INSR: variants seen among roughly 807,000 people sequenced by gnomAD.
INSR encodes the protein insulin receptor, also known as IR.
Under a neutral mutation model 142.6 loss-of-function variants are expected in INSR, and 67 were observed. That is an observed-to-expected ratio of 0.47 (90% confidence interval 0.39 to 0.58). The LOEUF (loss-of-function observed/expected upper bound fraction) is 0.58. Among genes scored for constraint, INSR ranks in the 20% least tolerant of loss-of-function variants. The pLI is 0.00. For missense variants in INSR, 1,248 were observed against 1,833.2 expected (o/e 0.68, Z 5.83); for synonymous variants, 756 against 743.1 (o/e 1.02, Z -0.28).
At chr19:7,131,975 G>C (rs1329744377) in intron 14 of INSR, among the ~76,000 whole-genome samples, 183 bp downstream of exon 14, 1 of 146,266 alleles carries the variant, frequency 6.8e-6, no homozygotes, top group Non-Finnish European at 1.5e-5. Context: ...TCCAAAGCAA[G>C]CCTCCATCTC....
intron 17 of INSR, 56 bp from the exon 18 acceptor site, chr19:7,123,045 G>T: frequency 7.7e-7 from 1 of 1,301,300 alleles, no homozygotes; most frequent in Non-Finnish European, 1.1e-6. Flanking sequence ...GACTCACCAG[G>T]GTTCTCCTCC....
chr19:7,207,901 A>AAAGGAAGGAAGGAAGG (rs35679001), intron 2 of INSR, among the ~76,000 whole-genome samples: 5,572 of 72,686 alleles, frequency 0.077, 392 homozygotes, highest in Admixed American at 0.11. Flanking sequence ...GGAAGGAAGG[A>AAAGGAAGGAAGGAAGG]AAGGAAGGAA....
At chr19:7,126,434 G>A (rs1972647166) in intron 16 of INSR, 150 bp downstream of exon 16, 5 of 732,996 alleles carry the variant, frequency 6.8e-6, no homozygotes, top group Non-Finnish European at 9.7e-6. Flanking sequence ...TGAGGTTTCT[G>A]CAGCAAGGGC....
chr19:7,237,597 T>C (rs6510969), intron 2 of INSR, among the ~76,000 whole-genome samples: 77,870 of 151,422 alleles, frequency 0.51, 21,274 homozygotes, highest in African/African-American at 0.7. Flanking sequence ...GGGTGGATCA[T>C]GAGGTCAGGA....
At chr19:7,232,671 G>C (rs558181580) in intron 2 of INSR, among the ~76,000 whole-genome samples, 2 of 151,910 alleles carry the variant, frequency 1.3e-5, no homozygotes, top group African/African-American at 4.8e-5. Flanking sequence ...TCAGCCAGGC[G>C]TGGTGGCAGG....
At chr19:7,248,619 C>T (rs184882005) in intron 2 of INSR, among the ~76,000 whole-genome samples, 1 of 148,878 alleles carries the variant, frequency 6.7e-6, no homozygotes, top group Non-Finnish European at 1.5e-5. Context: ...ATGAGTAAAC[C>T]TGGGAAAGCC....
chr19:7,118,649 T>C (rs1972397767), intron 21 of INSR, among the ~76,000 whole-genome samples: 1 of 150,434 alleles, frequency 6.6e-6, no homozygotes, highest in African/African-American at 2.5e-5. Flanking sequence ...TATAAAGAAT[T>C]AACAGGCGGC....
chr19:7,219,473 A>AGGG (rs1975532684), intron 2 of INSR, among the ~76,000 whole-genome samples: 5 of 71,214 alleles, frequency 7.0e-5, no homozygotes, highest in Non-Finnish European at 6.3e-5. Context: ...AGAGAGAGAA[A>AGGG]AGGGAGGGAG....
At chr19:7,131,433 C>T (rs925663812) in intron 14 of INSR, among the ~76,000 whole-genome samples, 4 of 151,752 alleles carry the variant, frequency 2.6e-5, no homozygotes, top group Non-Finnish European at 5.9e-5. Context: ...GCAAGCTCTG[C>T]TTCCCGGGTT....
At position 7,168,096 on chromosome 19, in the gene INSR, T is replaced by C. The variant is rs749592525; in HGVS notation, c.1484-2A>G. 6.2e-7 allele frequency: 1 copy of C among 1,613,752 alleles called. No homozygotes were observed. The highest frequency in any genetic ancestry group is 1.1e-5 in the South Asian group (1 of 91,062). ...AAAATTTAAGTAACTCATTTTCACCTGGAAAAGTTAAAACAAAAGGCAAAA... is the reference window on the plus strand; with the variant it reads ...AAAATTTAAGTAACTCATTTTCACCCGGAAAAGTTAAAACAAAAGGCAAAA... On this transcript the variant is annotated splice_acceptor_variant, in intron 6 of 21. Transcript: ENST00000302850. LOFTEE classifies it high-confidence loss of function. The surrounding 1 kb of genome is among the most constrained non-coding windows in gnomAD (Gnocchi z 4.3).
rs550741110 is a variant in INSR, at chr19:7,249,763, A to C, written c.652+17582T>G. On this transcript the variant is annotated intron_variant, in intron 2 of 21. Coordinates refer to ENST00000302850, the MANE Select transcript of INSR (RefSeq NM_000208.4). ...ATCCCAGCACTTTGGGAGGCCAAGG[A>C]GGGTGGATCACGAGGTCAGGAGATC... Among the ~76,000 whole-genome samples, 239 of 152,168 alleles carry C rather than the reference A, an allele frequency of 1.6e-3. 1 individual carries two copies. Among genetic ancestry groups the C allele is most frequent in the African/African-American group, 5.1e-3 (212 of 41,538 alleles).
intron 2 of INSR, among the ~76,000 whole-genome samples, chr19:7,197,551 TTCCAGAGTGGGAGTGTGTGTGTTTGG>T (rs1974795494): frequency 2.9e-5 from 2 of 67,822 alleles, no homozygotes; most frequent in African/African-American, 5.9e-5. Flanking sequence ...GTGTGTCAGG[TTCCAGAGTGGGAGTGTGTGTGTTTGG>T]GTGTGTGTGT....
chr19:7,154,987 C>G (rs1973552759), intron 9 of INSR, among the ~76,000 whole-genome samples: 1 of 152,134 alleles, frequency 6.6e-6, no homozygotes, highest in Non-Finnish European at 1.5e-5. Context: ...GGTAACCAGA[C>G]AATGCTTCTG....
chr19:7,258,437 C>G (rs982079333), intron 2 of INSR, among the ~76,000 whole-genome samples: 2 of 126,374 alleles, frequency 1.6e-5, no homozygotes, highest in Admixed American at 7.6e-5. Flanking sequence ...ATAAAAAATT[C>G]TTAGCTCATA....
chr19:7,195,626 A>G (rs1974723437), intron 2 of INSR, among the ~76,000 whole-genome samples: 2 of 151,984 alleles, frequency 1.3e-5, no homozygotes, highest in Admixed American at 1.3e-4. Context: ...TGGGTGACAG[A>G]GTAAGACTCC....
rs3786683 is a variant in INSR at position 7,168,795 on chromosome 19, A to G, written c.1484-701T>C. On this transcript the variant is annotated intron_variant, in intron 6 of 21. Coordinates refer to ENST00000302850, the MANE Select transcript of INSR (RefSeq NM_000208.4). This position sits in a 1 kb window ranked among gnomAD's most constrained non-coding sequence, Gnocchi z 4.3. ...TATTTTTTTTTTTTAGTAGAGATGG[A>G]GTTTCACCACATTGGCCAGGCTGGT... Among the ~76,000 whole-genome samples the G allele has an allele frequency of 0.24, 36,541 of 151,040 alleles. 4,484 individuals are homozygous for G. Among genetic ancestry groups the G allele is most frequent in the Middle Eastern group, 0.3 (88 of 294 alleles).
chr19:7,169,904 A>T (rs1291648300), intron 6 of INSR, among the ~76,000 whole-genome samples: 1 of 152,186 alleles, frequency 6.6e-6, no homozygotes, highest in African/African-American at 2.4e-5. Flanking sequence ...AAAGCCTATC[A>T]CACAGTGAGT....
intron 17 of INSR, among the ~76,000 whole-genome samples, chr19:7,124,828 G>A (rs1718618182): frequency 6.6e-6 from 1 of 150,522 alleles, no homozygotes; most frequent in Non-Finnish European, 1.5e-5. Flanking sequence ...GGAAGAGTTG[G>A]TGCTGCCTTC....
intron 9 of INSR, among the ~76,000 whole-genome samples, chr19:7,160,918 C>T (rs1166588266): frequency 6.6e-6 from 1 of 150,964 alleles, no homozygotes; most frequent in Non-Finnish European, 1.5e-5. Context: ...ATCGCTTGAA[C>T]CCAGCAGGCG....
Sources: gnomAD v4.1 joint callset for allele counts (sites outside exome capture counted in the v4.1 genomes callset) on GRCh38, gnomAD v4.1.1 for gene constraint, Gnocchi (gnomAD v3.1) non-coding constraint, MANE v1.5 for transcripts, NCBI Gene and HGNC (gene_info 2026-07-23, HGNC 2026-07-21) for gene names.